Variants in JADE3 observed in about 807,000 individuals in gnomAD.
JADE3 encodes jade family PHD finger 3.
Under a neutral mutation model 50.1 loss-of-function variants are expected in JADE3, and 2 were observed. That is an observed-to-expected ratio of 0.04 (90% CI 0.02 to 0.13). The LOEUF (loss-of-function observed/expected upper bound fraction) is 0.13, where lower values mean the gene tolerates loss of function less well. Ranked by LOEUF, JADE3 falls within the 10% of genes least tolerant of loss-of-function variation. The probability of loss-of-function intolerance (pLI) is 1.00; values close to 1 mark genes in which losing one functional copy is unlikely to be tolerated. For synonymous variants in JADE3, 218 were observed against 232.9 expected (o/e 0.94, Z 0.58); for missense variants, 475 against 634.4 (o/e 0.75, Z 2.70).
At chrX:46,996,579 G>A (rs1389676943) in intron 3 of JADE3, among the ~76,000 whole-genome samples, 1 of 111,990 alleles carries the variant, frequency 8.9e-6, no homozygotes, top group Non-Finnish European at 1.9e-5. Context: ...TTTTAAGGGC[G>A]ATTCATTCTT....
At chrX:46,927,696 A>C (rs1274393998) in intron 1 of JADE3, among the ~76,000 whole-genome samples, 1 of 112,150 alleles carries the variant, frequency 8.9e-6, no homozygotes, top group Non-Finnish European at 1.9e-5. Context: ...CACCTGGCTT[A>C]ATCTCCCCAG....
chrX:46,947,223 T>C (rs782326499), intron 1 of JADE3, among the ~76,000 whole-genome samples: 1 of 111,467 alleles, frequency 9.0e-6, no homozygotes, highest in South Asian at 3.8e-4. Flanking sequence ...TTTCACCATG[T>C]TGGCCAGGCT....
intron 1 of JADE3, among the ~76,000 whole-genome samples, chrX:46,920,968 CAG>C (rs1389443678): frequency 8.9e-6 from 1 of 111,997 alleles, no homozygotes; most frequent in Non-Finnish European, 1.9e-5. Context: ...TTTATAGAAA[CAG>C]GGTCTCACTG....
At position 47,022,465 on chromosome X, in the gene JADE3, T is replaced by C. The variant is rs192629664; in HGVS notation, c.285-2259T>C. ...CTTTATTCAGGTTCATTATTTGGAA[T>C]CAGGCTTTTGGAAGAATGCTTATTA... On this transcript the variant is annotated intron_variant, in intron 4 of 10. Transcript: ENST00000614628. Among the ~76,000 whole-genome samples, 373 of 112,209 alleles carry C rather than the reference T, an allele frequency of 3.3e-3. 1 individual carries two copies. Among genetic ancestry groups the C allele is most frequent in the African/African-American group, 0.012 (358 of 30,914 alleles).
intron 7 of JADE3, among the ~76,000 whole-genome samples, chrX:47,035,215 A>G (rs1556367663): frequency 9.0e-6 from 1 of 111,251 alleles, no homozygotes; most frequent in Non-Finnish European, 1.9e-5. Context: ...AGACTGCAGA[A>G]TCTAGTTAAT....
At chrX:46,975,054 G>T (rs1487541837) in intron 1 of JADE3, among the ~76,000 whole-genome samples, 1 of 112,308 alleles carries the variant, frequency 8.9e-6, no homozygotes, top group African/African-American at 3.2e-5. Context: ...TGTCCCCTGG[G>T]GGGGGCAAAA....
At chrX:46,954,511 C>A (rs1354723656) in intron 1 of JADE3, among the ~76,000 whole-genome samples, 1 of 111,794 alleles carries the variant, frequency 8.9e-6, no homozygotes, top group Non-Finnish European at 1.9e-5. Context: ...TTGCAGCATG[C>A]TTTCAGTATT....
At chrX:47,032,466 C>A (rs1157172105) in intron 6 of JADE3, among the ~76,000 whole-genome samples, 2 of 110,525 alleles carry the variant, frequency 1.8e-5, no homozygotes, top group East Asian at 5.7e-4. Flanking sequence ...TGCCACTGTA[C>A]AATGGTATGA....
At chrX:47,014,841 A>G (rs1393817588) in intron 4 of JADE3, among the ~76,000 whole-genome samples, 1 of 112,263 alleles carries the variant, frequency 8.9e-6, no homozygotes, top group African/African-American at 3.2e-5. Context: ...TTTATTCTCA[A>G]AAACCATAAA....
chrX:47,003,905 A>G (rs1469534972), intron 4 of JADE3, among the ~76,000 whole-genome samples: 1 of 101,927 alleles, frequency 9.8e-6, no homozygotes, highest in African/African-American at 3.5e-5. Context: ...TATTATATAT[A>G]TAAATTTATA....
chrX:46,992,226 A>G (rs967737172), intron 3 of JADE3, among the ~76,000 whole-genome samples: 41 of 110,913 alleles, frequency 3.7e-4, no homozygotes, highest in Non-Finnish European at 7.0e-4. Flanking sequence ...TAAGGGAACC[A>G]GGGCACTAAG....
At chrX:47,005,963 A>T (rs781901353) in intron 4 of JADE3, among the ~76,000 whole-genome samples, 1 of 111,649 alleles carries the variant, frequency 9.0e-6, no homozygotes, top group South Asian at 3.8e-4. Flanking sequence ...GCCAAAATCG[A>T]AGGTTTGCAT....
chrX:47,018,988 A>G (rs139499357), intron 4 of JADE3, among the ~76,000 whole-genome samples: 17 of 112,103 alleles, frequency 1.5e-4, no homozygotes, highest in Admixed American at 4.7e-4. Flanking sequence ...GCTTCCTCAT[A>G]GCCTAACAAC....
chrX:46,953,974 C>T (rs1320576233), intron 1 of JADE3, among the ~76,000 whole-genome samples: 3 of 111,636 alleles, frequency 2.7e-5, no homozygotes, highest in Non-Finnish European at 5.6e-5. Context: ...CCTAACATTA[C>T]AGTCTTGCAT....
At chrX:46,997,064 A>G (rs781873118) in intron 3 of JADE3, among the ~76,000 whole-genome samples, 46 of 112,229 alleles carry the variant, frequency 4.1e-4, no homozygotes, top group African/African-American at 1.2e-3. Flanking sequence ...TATAAAGACT[A>G]TCACTTGGAA....
At chrX:46,948,908 A>G in intron 1 of JADE3, among the ~76,000 whole-genome samples, 1 of 110,455 alleles carries the variant, frequency 9.1e-6, no homozygotes, top group Non-Finnish European at 1.9e-5. Flanking sequence ...GACAATACAC[A>G]TACACAAACA....
chrX:46,964,364 G>T (rs915603942), intron 1 of JADE3, among the ~76,000 whole-genome samples: 1 of 111,655 alleles, frequency 9.0e-6, no homozygotes, highest in Admixed American at 9.5e-5. Flanking sequence ...AAGGCAATCT[G>T]CCTTGTTCAT....
At position 46,953,542 on chromosome X, in the gene JADE3, G is replaced by A. The variant is rs372441881; in HGVS notation, c.-11-31342G>A. 8.3e-4 allele frequency among the ~76,000 whole-genome samples: 93 copies of A among 111,407 alleles called. 2 individuals are homozygous for A. The South Asian group carries it at 0.034, about 41-fold the overall frequency. ...GTGTGTGTTTATACCATCTTACTTG[G>A]AACCGGAAGTCTTCACTGATATTTT... On this transcript the variant is annotated intron_variant, in intron 1 of 10. Coordinates refer to ENST00000614628, the MANE Select transcript of JADE3 (RefSeq NM_014735.5).
chrX:46,996,098 G>A lies in JADE3; in HGVS notation c.127-2022G>A, dbSNP rs782351454. Reference sequence around the variant, plus strand: ...GTCGCCCAGGCTGGAGTGCAGTGACGCGATCTCGGCTCACTGCAGCCTCCG... The same window carrying A: ...GTCGCCCAGGCTGGAGTGCAGTGACACGATCTCGGCTCACTGCAGCCTCCG... On this transcript the variant is annotated intron_variant, in intron 3 of 10. Coordinates refer to ENST00000614628, the MANE Select transcript of JADE3 (RefSeq NM_014735.5). 1.2e-4 allele frequency among the ~76,000 whole-genome samples: 13 copies of A among 112,009 alleles called. No homozygotes were observed. The South Asian group carries it at 1.9e-3, about 16-fold the overall frequency.
Sources: gnomAD v4.1 joint callset for allele counts (sites outside exome capture counted in the v4.1 genomes callset) on GRCh38, gnomAD v4.1.1 for gene constraint, MANE v1.5 for transcripts, NCBI Gene and HGNC (gene_info 2026-07-23, HGNC 2026-07-21) for gene names.